The following CRACR2A variants were observed in gnomAD, a reference collection of about 807,000 sequenced individuals.
CRACR2A encodes the protein calcium release activated channel regulator 2A.
CRACR2A carries 79 observed loss-of-function variants against 90.5 expected under a neutral mutation model. The observed-to-expected ratio is 0.87, with a 90% CI of 0.73 to 1.05. The LOEUF (loss-of-function observed/expected upper bound fraction) is 1.05. Among genes scored for constraint, CRACR2A ranks in the 50% least tolerant of loss-of-function variants. CRACR2A has a pLI of 0.00. For missense variants in CRACR2A, 823 were observed against 897.2 expected (o/e 0.92, Z 1.06); for synonymous variants, 338 against 356.7 (o/e 0.95, Z 0.59).
At chr12:3,724,062 C>G (rs1302171098) in intron 2 of CRACR2A, among the ~76,000 whole-genome samples, 1 of 152,214 alleles carries the variant, frequency 6.6e-6, no homozygotes, top group Non-Finnish European at 1.5e-5. Context: ...TCTGTTTCCT[C>G]CTGTCTCCTT....
intron 1 of CRACR2A, among the ~76,000 whole-genome samples, chr12:3,733,974 T>TTTTTTTA (rs763910675): frequency 0.016 from 303 of 19,098 alleles, 28 homozygotes; most frequent in Non-Finnish European, 0.041. Context: ...TTTTGCCTTA[T>TTTTTTTA]TTTTTTTTTT....
intron 11 of CRACR2A, among the ~76,000 whole-genome samples, chr12:3,645,818 T>G (rs1396256363): frequency 6.6e-6 from 1 of 152,150 alleles, no homozygotes; most frequent in Non-Finnish European, 1.5e-5. Flanking sequence ...AGCAAGTAGC[T>G]GGGTGGGGAA....
intron 3 of CRACR2A, among the ~76,000 whole-genome samples, chr12:3,708,529 A>G (rs76580545): frequency 6.6e-6 from 1 of 151,966 alleles, no homozygotes; most frequent in Non-Finnish European, 1.5e-5. Flanking sequence ...GGTTCGCGCC[A>G]TTCTCCTGCC....
At chr12:3,660,820 T>C (rs1424352798) in intron 7 of CRACR2A, among the ~76,000 whole-genome samples, 2 of 146,252 alleles carry the variant, frequency 1.4e-5, no homozygotes. Context: ...AGGCCTGTTC[T>C]GAACATGCAA....
At chr12:3,639,328 C>T (rs1944516209) in intron 13 of CRACR2A, among the ~76,000 whole-genome samples, 1 of 152,000 alleles carries the variant, frequency 6.6e-6, no homozygotes, top group Non-Finnish European at 1.5e-5. Context: ...GTAGGCAGTG[C>T]AGGGAATCGG....
chr12:3,678,841 T>A, intron 6 of CRACR2A, 74 bp downstream of exon 6: 1 of 1,467,896 alleles, frequency 6.8e-7, no homozygotes, highest in Non-Finnish European at 9.2e-7. Context: ...TAACAAATGT[T>A]AATTGTTGAA....
intron 10 of CRACR2A, among the ~76,000 whole-genome samples, chr12:3,653,207 T>A (rs1001488125): frequency 6.6e-6 from 1 of 151,086 alleles, no homozygotes. Context: ...GGTCTTGAAC[T>A]CCTGACCTTG....
chr12:3,688,562 G>A (rs1223237209), intron 4 of CRACR2A, among the ~76,000 whole-genome samples: 2 of 152,070 alleles, frequency 1.3e-5, no homozygotes, highest in African/African-American at 2.4e-5. Flanking sequence ...CTGTTTTTGT[G>A]TCAGTACCAT....
intron 12 of CRACR2A, 116 bp from the exon 13 acceptor site, chr12:3,641,954 T>C (rs893789696): frequency 1.7e-5 from 15 of 881,898 alleles, no homozygotes; most frequent in Non-Finnish European, 2.5e-5. Flanking sequence ...CTGAAAGGAG[T>C]AGGCAGTGTT....
At chr12:3,689,908 T>C (rs959980040) in intron 4 of CRACR2A, among the ~76,000 whole-genome samples, 39 of 152,078 alleles carry the variant, frequency 2.6e-4, no homozygotes, top group African/African-American at 8.2e-4. Context: ...ATTTATCAAC[T>C]TCTTCTAGAT....
At position 3,746,949 on chromosome 12, in the gene CRACR2A, G is replaced by A. The variant is rs140550294; in HGVS notation, c.-387+6066C>T. The stretch of plus-strand genomic sequence containing the variant: ...ATGGGATCACATGTGCGTGGACCAC[G>A]TGCTTCCTCACATCCCTTAACTCAC... On this transcript the variant is annotated intron_variant, in intron 1 of 19. Transcript: ENST00000440314. The surrounding 1 kb of genome is among the most constrained non-coding windows in gnomAD (Gnocchi z 4.4). Among the ~76,000 whole-genome samples, 217 of 152,354 alleles carry A rather than the reference G, an allele frequency of 1.4e-3. 1 individual carries two copies. Among genetic ancestry groups the A allele is most frequent in the African/African-American group, 4.7e-3 (197 of 41,584 alleles).
chr12:3,693,120 A>C (rs1174906386), intron 4 of CRACR2A, among the ~76,000 whole-genome samples: 1 of 152,084 alleles, frequency 6.6e-6, no homozygotes, highest in African/African-American at 2.4e-5. Context: ...GGAAGGCAAA[A>C]CCTGCCTGCA....
chr12:3,649,247 A>AATAC (rs1214824426), intron 10 of CRACR2A, among the ~76,000 whole-genome samples: 1 of 150,340 alleles, frequency 6.7e-6, no homozygotes, highest in Non-Finnish European at 1.5e-5. Flanking sequence ...AAGATAAATA[A>AATAC]ATAAATAAAT....
At chr12:3,701,904 G>A (rs1415479945) in intron 3 of CRACR2A, among the ~76,000 whole-genome samples, 1 of 152,092 alleles carries the variant, frequency 6.6e-6, no homozygotes, top group African/African-American at 2.4e-5. Context: ...GAACACAGAT[G>A]TAATCATTCT....
At chr12:3,632,009 C>T (rs1036888316) in intron 15 of CRACR2A, among the ~76,000 whole-genome samples, 5 of 152,124 alleles carry the variant, frequency 3.3e-5, no homozygotes, top group African/African-American at 1.2e-4. Flanking sequence ...ATTATAATCC[C>T]CAGTGTTGGA....
intron 2 of CRACR2A, 198 bp downstream of exon 2, chr12:3,732,744 A>C (rs948258890): frequency 6.6e-6 from 1 of 152,240 alleles, no homozygotes; most frequent in South Asian, 2.1e-4. Context: ...CAAGCAAAAA[A>C]CATGAGATCC....
At chr12:3,712,978 C>T (rs1946028292) in intron 3 of CRACR2A, among the ~76,000 whole-genome samples, 1 of 151,954 alleles carries the variant, frequency 6.6e-6, no homozygotes, top group African/African-American at 2.4e-5. Context: ...GACAAAACCC[C>T]CTCTCCCAGA....
At position 3,713,331 on chromosome 12, in the gene CRACR2A, A is replaced by C; in HGVS notation, c.-117-14T>G. On this transcript the variant is annotated splice_polypyrimidine_tract_variant and intron_variant, in intron 2 of 19. Transcript: ENST00000440314. ...CTTGAATTCCACCTAGGAAACACAC[A>C]AGAGATGAATCACACCTTATTTTCC... The C allele has an allele frequency of 8.1e-6, 8 of 983,680 alleles. No homozygotes were observed. The highest frequency in any genetic ancestry group is 9.7e-6 in the Non-Finnish European group (8 of 828,404). The allele number at this position is 983,680 out of a possible 1,614,324, so 60.9% of individuals were successfully genotyped here.
chr12:3,641,112 G>A (rs1944560604), intron 13 of CRACR2A, among the ~76,000 whole-genome samples: 1 of 152,146 alleles, frequency 6.6e-6, no homozygotes, highest in Non-Finnish European at 1.5e-5. Flanking sequence ...TTGGGAGGCC[G>A]AGGCGGGCAG....
Sources: gnomAD v4.1 joint callset for allele counts (sites outside exome capture counted in the v4.1 genomes callset) on GRCh38, gnomAD v4.1.1 for gene constraint, Gnocchi (gnomAD v3.1) non-coding constraint, MANE v1.5 for transcripts, NCBI Gene and HGNC (gene_info 2026-07-23, HGNC 2026-07-21) for gene names.